Variants in STK33 observed in about 807,000 individuals in gnomAD.
STK33 encodes the protein serine/threonine-protein kinase 33.
In STK33, 52 loss-of-function variants were observed where a neutral mutation model predicts 58.0. That is an observed-to-expected ratio of 0.90 (90% confidence interval 0.72 to 1.13). The LOEUF (loss-of-function observed/expected upper bound fraction) is 1.13. Among genes scored for constraint, STK33 ranks in the 50% most tolerant of loss-of-function variants. The pLI, the probability that STK33 is intolerant of heterozygous loss-of-function variation, is 0.00. For missense variants in STK33, 630 were observed against 604.2 expected, an observed-to-expected ratio of 1.04 and a Z score of -0.45; for synonymous variants, 215 against 200.1, an observed-to-expected ratio of 1.07 and a Z score of -0.63.
At chr11:8,591,551 G>T (rs1456883396) in intron 1 of STK33, among the ~76,000 whole-genome samples, 1 of 152,130 alleles carries the variant, frequency 6.6e-6, no homozygotes, top group East Asian at 1.9e-4. Flanking sequence ...ACTATAACAA[G>T]AGTTCACATG....
At chr11:8,537,886 G>C (rs918783581) in intron 1 of STK33, among the ~76,000 whole-genome samples, 1 of 148,792 alleles carries the variant, frequency 6.7e-6, no homozygotes, top group Non-Finnish European at 1.5e-5. Context: ...AAGTTTTCTT[G>C]AGTAAAAAAA....
intron 1 of STK33, among the ~76,000 whole-genome samples, chr11:8,539,821 G>A (rs572370342): frequency 1.3e-5 from 2 of 152,234 alleles, no homozygotes; most frequent in African/African-American, 2.4e-5. Flanking sequence ...ACTGTAGTAC[G>A]TAAATAGGAG....
At chr11:8,378,698 C>T in the STK33 span, among the ~76,000 whole-genome samples, 15 of 152,138 alleles carry the variant, frequency 9.9e-5, no homozygotes, top group African/African-American at 3.4e-4. Context: ...AGTGGGGACA[C>T]AGCCAAACTA....
At chr11:8,488,380 C>T (rs1015363442) in intron 1 of STK33, among the ~76,000 whole-genome samples, 1 of 151,996 alleles carries the variant, frequency 6.6e-6, no homozygotes, top group Non-Finnish European at 1.5e-5. Flanking sequence ...AAGCTACACA[C>T]ACACATAGGG....
intron 1 of STK33, among the ~76,000 whole-genome samples, chr11:8,520,436 G>A (rs1025020036): frequency 1.6e-4 from 25 of 152,128 alleles, no homozygotes; most frequent in African/African-American, 6.0e-4. Context: ...ACTGGCACAA[G>A]ACAGGGATGC....
intron 6 of STK33, among the ~76,000 whole-genome samples, chr11:8,470,513 T>C (rs1948675220): frequency 6.6e-6 from 1 of 152,220 alleles, no homozygotes; most frequent in African/African-American, 2.4e-5. Flanking sequence ...CACTTTTAAT[T>C]TCATTCAACA....
chr11:8,436,638 A>C (rs191495049), intron 12 of STK33, among the ~76,000 whole-genome samples: 1 of 152,238 alleles, frequency 6.6e-6, no homozygotes, highest in Admixed American at 6.5e-5. Flanking sequence ...TTTTATCCAT[A>C]GTAAAATACT....
rs558971686 is a variant in STK33, at chr11:8,546,765, C to A, written c.-466+47318G>T. Among the ~76,000 whole-genome samples, 4 of 152,292 alleles carry A rather than the reference C, an allele frequency of 2.6e-5. No homozygotes were observed. The South Asian group carries it at 8.3e-4, about 32-fold the overall frequency. ...CAAGTTGCTGCAAATGACAGGATTT[C>A]ATTGTCATTTATGGCTGAATAATAT... On this transcript the variant is annotated intron_variant, in intron 1 of 15. Transcript: ENST00000687296.
chr11:8,412,524 G>C (rs1397227122), intron 15 of STK33, among the ~76,000 whole-genome samples: 1 of 152,152 alleles, frequency 6.6e-6, no homozygotes, highest in African/African-American at 2.4e-5. Flanking sequence ...AAGTTACTGA[G>C]AGGATTCTTG....
chr11:8,339,290 T>G, the STK33 span, among the ~76,000 whole-genome samples: 3 of 152,208 alleles, frequency 2.0e-5, no homozygotes, highest in African/African-American at 7.2e-5. Flanking sequence ...TATATTTAAT[T>G]GGACAATTAT....
At chr11:8,405,326 G>A (rs1938921929) in intron 15 of STK33, among the ~76,000 whole-genome samples, 1 of 152,120 alleles carries the variant, frequency 6.6e-6, no homozygotes, top group African/African-American at 2.4e-5. Context: ...CCATTTTCCT[G>A]ATGACTAATG....
the STK33 span, among the ~76,000 whole-genome samples, chr11:8,363,852 T>C: frequency 2.0e-5 from 3 of 152,240 alleles, no homozygotes; most frequent in African/African-American, 7.2e-5. Context: ...TTAATTCTGA[T>C]GCAATTTTAG....
intron 14 of STK33, among the ~76,000 whole-genome samples, chr11:8,415,821 T>C (rs1418054981): frequency 6.6e-6 from 1 of 152,184 alleles, no homozygotes; most frequent in Non-Finnish European, 1.5e-5. Context: ...TTTAGGCAGT[T>C]CTTGCGCTGC....
chr11:8,549,905 T>TA (rs1164746138), intron 1 of STK33, among the ~76,000 whole-genome samples: 2 of 151,992 alleles, frequency 1.3e-5, no homozygotes, highest in Admixed American at 6.6e-5. Context: ...TTTTCATATT[T>TA]AAAAAAAACC....
chr11:8,516,679 G>C (rs1365162924), intron 1 of STK33, among the ~76,000 whole-genome samples: 2 of 152,246 alleles, frequency 1.3e-5, no homozygotes, highest in African/African-American at 4.8e-5. Flanking sequence ...CATACCAGGA[G>C]ATTATATCCC....
chr11:8,405,589 T>TA (rs1259553103), intron 15 of STK33, among the ~76,000 whole-genome samples: 9 of 152,232 alleles, frequency 5.9e-5, no homozygotes, highest in African/African-American at 2.2e-4. Context: ...TACCAGTTTT[T>TA]AAAAGTGCTT....
At position 8,498,762 on chromosome 11, in the gene STK33, C is replaced by T. The variant is rs183618288; in HGVS notation, c.-465-18148G>A. 5.5e-4 allele frequency among the ~76,000 whole-genome samples: 84 copies of T among 152,168 alleles called. 1 individual carries two copies. In the East Asian group the frequency reaches 0.016, roughly 28 times the overall value. ...ATAGACCAATGGAACAGAACAGAGG[C>T]CTCAGAAATAACACCACACATCTAC... On this transcript the variant is annotated intron_variant, in intron 1 of 15. Coordinates refer to ENST00000687296, the MANE Select transcript of STK33 (RefSeq NM_001352389.2).
intron 1 of STK33, among the ~76,000 whole-genome samples, chr11:8,588,412 C>A (rs978879473): frequency 3.3e-5 from 5 of 152,120 alleles, no homozygotes; most frequent in Non-Finnish European, 7.3e-5. Flanking sequence ...ACATGCCTGA[C>A]GAGTTGACTT....
the STK33 span, among the ~76,000 whole-genome samples, chr11:8,345,144 G>A: frequency 6.6e-6 from 1 of 152,094 alleles, no homozygotes; most frequent in Admixed American, 6.5e-5. Context: ...GATCCCCAAG[G>A]CTCTAAGCAT....
Sources: gnomAD v4.1 joint callset for allele counts (sites outside exome capture counted in the v4.1 genomes callset) on GRCh38, gnomAD v4.1.1 for gene constraint, MANE v1.5 for transcripts, NCBI Gene and HGNC (gene_info 2026-07-23, HGNC 2026-07-21) for gene names.